SLC1A2: variants seen among roughly 807,000 people sequenced by gnomAD.
SLC1A2 encodes excitatory amino acid transporter 2.
SLC1A2 carries 15 observed loss-of-function variants against 48.8 expected under a neutral mutation model. That is an observed-to-expected ratio of 0.31 (90% confidence interval 0.21 to 0.47). The LOEUF (loss-of-function observed/expected upper bound fraction) is 0.47, where lower values mean the gene tolerates loss of function less well. Ranked by LOEUF, SLC1A2 falls within the 20% of genes least tolerant of loss-of-function variation. SLC1A2 has a pLI of 0.99. For missense variants in SLC1A2, 502 were observed against 730.5 expected, an observed-to-expected ratio of 0.69 and a Z score of 3.61; for synonymous variants, 279 against 272.6, an observed-to-expected ratio of 1.02 and a Z score of -0.23.
At chr11:35,331,490 A>T (rs150659937) in intron 1 of SLC1A2, among the ~76,000 whole-genome samples, 1 of 152,348 alleles carries the variant, frequency 6.6e-6, no homozygotes, top group African/African-American at 2.4e-5. Flanking sequence ...TTTACAAGTG[A>T]TAAACTGAGC....
chr11:35,288,286 G>A (rs1554995154), intron 7 of SLC1A2, among the ~76,000 whole-genome samples: 1 of 152,160 alleles, frequency 6.6e-6, no homozygotes, highest in Non-Finnish European at 1.5e-5. Context: ...TCAAGTCAGG[G>A]GTCTGTCTCA....
chr11:35,353,741 A>T (rs1853351047), intron 1 of SLC1A2, among the ~76,000 whole-genome samples: 2 of 152,152 alleles, frequency 1.3e-5, no homozygotes, highest in African/African-American at 4.8e-5. Context: ...CCATCAACAG[A>T]CCATGTTGAT....
At chr11:35,365,696 A>G (rs925061607) in intron 1 of SLC1A2, among the ~76,000 whole-genome samples, 1 of 152,114 alleles carries the variant, frequency 6.6e-6, no homozygotes, top group Non-Finnish European at 1.5e-5. Context: ...CATAATTCAA[A>G]TTGTTGTTAC....
At chr11:35,354,896 G>A (rs983221654) in intron 1 of SLC1A2, among the ~76,000 whole-genome samples, 15 of 152,238 alleles carry the variant, frequency 9.9e-5, no homozygotes, top group African/African-American at 3.6e-4. Flanking sequence ...TCCACGAACA[G>A]CAAAATCTTC....
chr11:35,372,425 A>T (rs1057276500), intron 1 of SLC1A2, among the ~76,000 whole-genome samples: 19 of 152,310 alleles, frequency 1.2e-4, no homozygotes, highest in African/African-American at 4.6e-4. Flanking sequence ...AAGCTAGATT[A>T]TTAGCTTTTC....
At chr11:35,412,283 T>C (rs1855485791) in intron 1 of SLC1A2, among the ~76,000 whole-genome samples, 1 of 152,210 alleles carries the variant, frequency 6.6e-6, no homozygotes, top group Non-Finnish European at 1.5e-5. Flanking sequence ...CATATATATA[T>C]AGCCACATAA....
intron 1 of SLC1A2, among the ~76,000 whole-genome samples, chr11:35,327,760 T>C (rs1423769758): frequency 6.6e-6 from 1 of 152,184 alleles, no homozygotes; most frequent in Non-Finnish European, 1.5e-5. Context: ...GATTATTCTA[T>C]CTTAGAAATG....
intron 1 of SLC1A2, among the ~76,000 whole-genome samples, chr11:35,322,204 A>G (rs1174862900): frequency 6.6e-6 from 1 of 152,104 alleles, no homozygotes; most frequent in Admixed American, 6.5e-5. Context: ...TCTCATGCAA[A>G]TCCACGTGAG....
intron 1 of SLC1A2, among the ~76,000 whole-genome samples, chr11:35,326,050 G>A (rs1377534515): frequency 6.6e-6 from 1 of 151,796 alleles, no homozygotes; most frequent in Non-Finnish European, 1.5e-5. Context: ...CAGCAGGTCT[G>A]GTTCTTTTCT....
chr11:35,313,898 C>T (rs115448161), intron 3 of SLC1A2, among the ~76,000 whole-genome samples: 237 of 152,270 alleles, frequency 1.6e-3, no homozygotes, highest in African/African-American at 5.6e-3. Context: ...CTGGAGTTAC[C>T]AGAGCCTCAC....
At chr11:35,413,355 C>A (rs1855522073) in intron 1 of SLC1A2, among the ~76,000 whole-genome samples, 1 of 152,176 alleles carries the variant, frequency 6.6e-6, no homozygotes, top group South Asian at 2.1e-4. Flanking sequence ...AAATCTTGGG[C>A]AATTCACCTA....
intron 1 of SLC1A2, among the ~76,000 whole-genome samples, chr11:35,319,409 T>C (rs1156266697): frequency 6.6e-6 from 1 of 152,218 alleles, no homozygotes; most frequent in Non-Finnish European, 1.5e-5. Context: ...TAGTATGCGT[T>C]CTGAAATGGT....
intron 1 of SLC1A2, among the ~76,000 whole-genome samples, chr11:35,357,075 G>A (rs183120729): frequency 2.0e-5 from 3 of 151,652 alleles, no homozygotes; most frequent in East Asian, 1.9e-4. Flanking sequence ...CCCCGTCTCT[G>A]TTAAAACTAC....
chr11:35,281,840 T>C (rs1030580141), intron 8 of SLC1A2: 1 of 152,138 alleles, frequency 6.6e-6, no homozygotes, highest in Non-Finnish European at 1.5e-5. Flanking sequence ...AGCTGTCATA[T>C]CAAAATGTCA....
intron 1 of SLC1A2, among the ~76,000 whole-genome samples, chr11:35,363,888 C>T (rs751947144): frequency 1.3e-5 from 2 of 152,102 alleles, no homozygotes; most frequent in East Asian, 1.9e-4. Context: ...GACCAGGACA[C>T]GGAGGTGTAC....
chr11:35,416,973 G>A (rs770680257), intron 1 of SLC1A2, among the ~76,000 whole-genome samples: 1 of 152,216 alleles, frequency 6.6e-6, no homozygotes, highest in Non-Finnish European at 1.5e-5. Context: ...CACTCAACAA[G>A]TGCTCAGTAA....
chr11:35,257,594 G>A lies in SLC1A2; in HGVS notation c.*3300C>T, dbSNP rs1950330584. The A allele has an allele frequency of 6.6e-6, 1 of 152,082 alleles. No individual in the cohort carries two copies. Among genetic ancestry groups the A allele is most frequent in the African/African-American group, 2.4e-5 (1 of 41,402 alleles). 9.4% of individuals were successfully genotyped at this position (152,082 alleles called of 1,614,324 possible). Reference sequence around the variant, plus strand: ...GGGAAGCATGCCCTCAAAGATCTAAGGTAAAGTATTACCTTGAAAGATAAG... The same window carrying A: ...GGGAAGCATGCCCTCAAAGATCTAAAGTAAAGTATTACCTTGAAAGATAAG... On this transcript the variant is annotated 3_prime_UTR_variant, in exon 11 of 11. Transcript: ENST00000278379.
chr11:35,326,796 C>T (rs1258419382), intron 1 of SLC1A2, among the ~76,000 whole-genome samples: 1 of 152,174 alleles, frequency 6.6e-6, no homozygotes, highest in Admixed American at 6.5e-5. Flanking sequence ...CTTCTGGCTC[C>T]CAGAGACCCA....
chr11:35,265,846 G>T, intron 9 of SLC1A2, 88 bp from the exon 10 acceptor site: 1 of 774,148 alleles, frequency 1.3e-6, no homozygotes, highest in South Asian at 1.7e-5. Flanking sequence ...AGAGACATAG[G>T]GTTGAGTACT....
Sources: gnomAD v4.1 joint callset for allele counts (sites outside exome capture counted in the v4.1 genomes callset) on GRCh38, gnomAD v4.1.1 for gene constraint, MANE v1.5 for transcripts, NCBI Gene and HGNC (gene_info 2026-07-23, HGNC 2026-07-21) for gene names.